TESK2: variants seen among roughly 807,000 people sequenced by gnomAD.
TESK2 encodes testis associated actin remodelling kinase 2.
Under a neutral mutation model 57.1 loss-of-function variants are expected in TESK2, and 39 were observed. The ratio of observed to expected loss-of-function variants is 0.68; its 90% CI spans 0.53 to 0.89. TESK2 has a LOEUF of 0.89. TESK2 is among the 40% of genes least tolerant of loss of function. The probability of loss-of-function intolerance (pLI) is 0.00; values close to 1 mark genes in which losing one functional copy is unlikely to be tolerated. For missense variants in TESK2, 646 were observed against 732.1 expected (o/e 0.88, Z 1.36); for synonymous variants, 249 against 267.9 (o/e 0.93, Z 0.69).
chr1:45,462,483 A>C (rs1219557413), intron 1 of TESK2, among the ~76,000 whole-genome samples: 1 of 152,150 alleles, frequency 6.6e-6, no homozygotes. Flanking sequence ...CGTGTTAGCC[A>C]GGATGGTCTC....
intron 4 of TESK2, among the ~76,000 whole-genome samples, chr1:45,371,569 ACTG>A (rs1648180424): frequency 6.6e-6 from 1 of 152,202 alleles, no homozygotes; most frequent in Non-Finnish European, 1.5e-5. Flanking sequence ...ATTCATAGAA[ACTG>A]AAAGTACAGG....
At chr1:45,434,295 T>A (rs997955561) in intron 2 of TESK2, among the ~76,000 whole-genome samples, 1 of 151,222 alleles carries the variant, frequency 6.6e-6, no homozygotes, top group Non-Finnish European at 1.5e-5. Context: ...GTGCCTGGCC[T>A]GTTTTTGTTT....
intron 3 of TESK2, among the ~76,000 whole-genome samples, chr1:45,398,557 T>A (rs975046880): frequency 1.3e-5 from 2 of 151,794 alleles, no homozygotes; most frequent in African/African-American, 2.4e-5. Flanking sequence ...AAAAAAATAA[T>A]AATAAAAATA....
chr1:45,415,154 A>G, intron 3 of TESK2: 1 of 1,516,992 alleles, frequency 6.6e-7, no homozygotes. Flanking sequence ...CTGGAGAGAA[A>G]GGATTTGGTT....
At position 45,384,593 on chromosome 1, in the gene TESK2, ATTTTTTTTTTT is replaced by A. The variant is rs59988269; in HGVS notation, c.393+1308_393+1318del. Among the ~76,000 whole-genome samples, 114 of 70,872 alleles carry A rather than the reference ATTTTTTTTTTT, an allele frequency of 1.6e-3. 1 individual carries two copies. The East Asian group carries it at 0.017, about 11-fold the overall frequency. The allele number at this position is 70,872 out of a possible 152,430, so 46.5% of individuals were successfully genotyped here. ...TGCCATCACATCCAGCTAATTATTA[ATTTTTTTTTTT>A]TTTTTTTTTTTTTTTTTTTTTTGTA... On this transcript the variant is annotated intron_variant, in intron 4 of 10. Coordinates refer to ENST00000372086, the MANE Select transcript of TESK2 (RefSeq NM_007170.3).
chr1:45,394,503 T>C (rs922176253), intron 3 of TESK2, among the ~76,000 whole-genome samples: 1 of 151,614 alleles, frequency 6.6e-6, no homozygotes, highest in Non-Finnish European at 1.5e-5. Flanking sequence ...AAGGATCTTG[T>C]CAAAATGCAG....
intron 2 of TESK2, among the ~76,000 whole-genome samples, chr1:45,438,709 T>C (rs530791804): frequency 1.3e-5 from 2 of 152,236 alleles, no homozygotes; most frequent in East Asian, 1.9e-4. Flanking sequence ...ATAGGCCCCA[T>C]TGTGTGTTCT....
At chr1:45,460,341 A>C (rs1652282719) in intron 1 of TESK2, among the ~76,000 whole-genome samples, 1 of 152,082 alleles carries the variant, frequency 6.6e-6, no homozygotes, top group Non-Finnish European at 1.5e-5. Flanking sequence ...AACATGGCAA[A>C]ACCCTCTCTC....
chr1:45,447,680 G>C (rs1226934151), intron 2 of TESK2, among the ~76,000 whole-genome samples: 12 of 151,772 alleles, frequency 7.9e-5, no homozygotes, highest in Admixed American at 7.9e-4. Flanking sequence ...TCTTTATCAA[G>C]TATTACATTC....
chr1:45,486,308 T>C (rs1653473058), intron 1 of TESK2, among the ~76,000 whole-genome samples: 1 of 152,184 alleles, frequency 6.6e-6, no homozygotes, highest in Non-Finnish European at 1.5e-5. Flanking sequence ...CACTACATTC[T>C]TTTTGCAAAA....
At chr1:45,394,684 T>TG (rs1649286639) in intron 3 of TESK2, among the ~76,000 whole-genome samples, 1 of 130,944 alleles carries the variant, frequency 7.6e-6, no homozygotes, top group Non-Finnish European at 1.7e-5. Flanking sequence ...AAACTCTTTT[T>TG]TTTTTTTTTT....
intron 1 of TESK2, among the ~76,000 whole-genome samples, chr1:45,488,927 C>A (rs6661321): frequency 4.6e-5 from 7 of 151,966 alleles, no homozygotes; most frequent in African/African-American, 1.2e-4. Context: ...TTTGGGAGGC[C>A]GGGGAAGGCA....
At chr1:45,476,026 T>C (rs1474937344) in intron 1 of TESK2, among the ~76,000 whole-genome samples, 1 of 152,212 alleles carries the variant, frequency 6.6e-6, no homozygotes, top group African/African-American at 2.4e-5. Flanking sequence ...GCTTCCTTGC[T>C]CCTCAACTTG....
intron 4 of TESK2, among the ~76,000 whole-genome samples, chr1:45,384,593 ATTTTTTTTTTTTTTTTTTTTTT>A (rs59988269): frequency 1.4e-5 from 1 of 70,866 alleles, no homozygotes; most frequent in Non-Finnish European, 2.7e-5. Flanking sequence ...CTAATTATTA[ATTTTTTTTTTTTTTTTTTTTTT>A]TTTTTTTTTT....
intron 3 of TESK2, among the ~76,000 whole-genome samples, chr1:45,397,667 G>A (rs1480400888): frequency 6.6e-6 from 1 of 152,034 alleles, no homozygotes; most frequent in Non-Finnish European, 1.5e-5. Flanking sequence ...GAGGCCACAG[G>A]CACCACCTGC....
At chr1:45,473,685 T>C (rs755675850) in intron 1 of TESK2, among the ~76,000 whole-genome samples, 29 of 152,264 alleles carry the variant, frequency 1.9e-4, no homozygotes, top group Middle Eastern at 6.8e-3. Flanking sequence ...GAGTACACAC[T>C]ACTATGTTCA....
At chr1:45,361,386 A>G (rs1647678411) in intron 4 of TESK2, among the ~76,000 whole-genome samples, 1 of 152,226 alleles carries the variant, frequency 6.6e-6, no homozygotes, top group African/African-American at 2.4e-5. Flanking sequence ...AAGTTTTAAT[A>G]TTTTTAATTG....
chr1:45,410,867 G>A (rs1421563907), intron 3 of TESK2, among the ~76,000 whole-genome samples: 6 of 151,832 alleles, frequency 4.0e-5, no homozygotes, highest in Non-Finnish European at 1.5e-5. Flanking sequence ...ATCTGACATC[G>A]TTAACTCTAT....
intron 1 of TESK2, among the ~76,000 whole-genome samples, chr1:45,473,487 A>T (rs1336039793): frequency 2.0e-5 from 3 of 152,238 alleles, no homozygotes; most frequent in Non-Finnish European, 4.4e-5. Context: ...AAATACCACA[A>T]AGTAGTATAT....
Sources: allele counts gnomAD v4.1 joint callset (sites outside exome capture counted in the v4.1 genomes callset), GRCh38; gene constraint gnomAD v4.1.1; transcripts MANE v1.5; gene names NCBI Gene and HGNC (gene_info 2026-07-23, HGNC 2026-07-21).